Variants in SUPT3H observed in about 807,000 individuals in gnomAD.
SUPT3H encodes the protein transcription initiation protein SPT3 homolog.
A neutral mutation model predicts 44.3 loss-of-function variants in SUPT3H; 44 were observed. The ratio of observed to expected loss-of-function variants is 0.99; its 90% CI spans 0.78 to 1.28. SUPT3H has a LOEUF of 1.28. Ranked by LOEUF, SUPT3H falls within the 50% of genes most tolerant of loss-of-function variation. The pLI is 0.00. For missense variants in SUPT3H, 380 were observed against 387.1 expected (o/e 0.98, Z 0.15); for synonymous variants, 124 against 125.6 (o/e 0.99, Z 0.09).
chr6:45,098,493 C>A, intron 3 of SUPT3H: 2 of 245,482 alleles, frequency 8.1e-6, no homozygotes, highest in South Asian at 6.5e-5. Context: ...ACCCTCCTAC[C>A]AAAGGAGTAA....
chr6:45,279,082 A>C (rs900195111), intron 2 of SUPT3H, among the ~76,000 whole-genome samples: 1 of 152,202 alleles, frequency 6.6e-6, no homozygotes, highest in Non-Finnish European at 1.5e-5. Flanking sequence ...TTTTTATTTA[A>C]TTCTCGATTA....
chr6:44,945,770 C>T (rs572643220), intron 9 of SUPT3H, among the ~76,000 whole-genome samples: 1 of 152,048 alleles, frequency 6.6e-6, no homozygotes, highest in Admixed American at 6.6e-5. Flanking sequence ...GGTGAAGCAG[C>T]GAATGATGAT....
chr6:44,816,241 G>A (rs934458580), intron 11 of SUPT3H, among the ~76,000 whole-genome samples: 1 of 152,072 alleles, frequency 6.6e-6, no homozygotes, highest in Non-Finnish European at 1.5e-5. Context: ...GAGGGAAACT[G>A]AAAAGGAAGA....
chr6:45,287,206 C>G (rs1360872445), intron 2 of SUPT3H, among the ~76,000 whole-genome samples: 1 of 151,564 alleles, frequency 6.6e-6, no homozygotes, highest in African/African-American at 2.4e-5. Context: ...CAAACCTGCA[C>G]ATTGTGCACA....
At chr6:45,361,000 C>T (rs1444159829) in intron 2 of SUPT3H, among the ~76,000 whole-genome samples, 6 of 152,244 alleles carry the variant, frequency 3.9e-5, no homozygotes, top group Admixed American at 3.3e-4. Context: ...TAGCTGGGCA[C>T]AGTGGCACAT....
chr6:45,215,251 T>A (rs1006648420), intron 2 of SUPT3H, among the ~76,000 whole-genome samples: 1 of 151,886 alleles, frequency 6.6e-6, no homozygotes, highest in African/African-American at 2.4e-5. Flanking sequence ...CCCACTAGAT[T>A]TACAGAAACC....
chr6:45,268,970 T>G (rs10948221), intron 2 of SUPT3H, among the ~76,000 whole-genome samples: 34,530 of 152,072 alleles, frequency 0.23, 4,596 homozygotes, highest in Non-Finnish European at 0.31. Context: ...GATGGTGTCA[T>G]GCAGAGCTTT....
chr6:44,979,159 G>A (rs1233042961), intron 6 of SUPT3H, among the ~76,000 whole-genome samples: 2 of 152,152 alleles, frequency 1.3e-5, no homozygotes, highest in Non-Finnish European at 2.9e-5. Context: ...ATGTTCTTTA[G>A]AGGTAGAAAA....
intron 2 of SUPT3H, among the ~76,000 whole-genome samples, chr6:45,281,881 G>C (rs557425038): frequency 2.0e-4 from 31 of 152,316 alleles, no homozygotes; most frequent in African/African-American, 6.7e-4. Context: ...GTACCCCTCT[G>C]AGACAAAACT....
intron 3 of SUPT3H, among the ~76,000 whole-genome samples, chr6:45,047,173 T>C (rs78953789): frequency 0.021 from 3,219 of 152,302 alleles, 54 homozygotes; most frequent in Non-Finnish European, 0.031. Flanking sequence ...CTTTTTTCTT[T>C]TTATTTGCTA....
At chr6:45,142,331 C>T (rs1426282614) in intron 2 of SUPT3H, among the ~76,000 whole-genome samples, 2 of 152,046 alleles carry the variant, frequency 1.3e-5, no homozygotes, top group Non-Finnish European at 2.9e-5. Context: ...TATAAAATAA[C>T]ACAATGAAAA....
In SUPT3H at chr6:44,876,743, C is replaced by A. The variant is rs185650276; in HGVS notation, c.913-46886G>T. On this transcript the variant is annotated intron_variant, in intron 10 of 10. Transcript: ENST00000371459. ...AAACATCAAGGGAAATTAGAAAATACTTTGAGATGAATGAAAATGAAAACA... is the reference window on the plus strand; with the variant it reads ...AAACATCAAGGGAAATTAGAAAATAATTTGAGATGAATGAAAATGAAAACA... 6.8e-3 allele frequency among the ~76,000 whole-genome samples: 980 copies of A among 145,172 alleles called. 13 individuals carry two copies. Among genetic ancestry groups the A allele is most frequent in the African/African-American group, 0.023 (925 of 39,370 alleles).
intron 2 of SUPT3H, among the ~76,000 whole-genome samples, chr6:45,279,924 C>CT (rs1777680794): frequency 6.6e-6 from 1 of 152,234 alleles, no homozygotes; most frequent in Admixed American, 6.5e-5. Flanking sequence ...TCTAATATAC[C>CT]TGCTCTACTT....
At chr6:45,094,451 C>T (rs1797536591) in intron 3 of SUPT3H, among the ~76,000 whole-genome samples, 1 of 152,070 alleles carries the variant, frequency 6.6e-6, no homozygotes, top group Admixed American at 6.6e-5. Context: ...TTCTGTGACA[C>T]TGAAGTAAAG....
At chr6:45,325,465 A>T (rs1310661116) in intron 2 of SUPT3H, among the ~76,000 whole-genome samples, 1 of 151,896 alleles carries the variant, frequency 6.6e-6, no homozygotes, top group Non-Finnish European at 1.5e-5. Flanking sequence ...AGCAATGGAG[A>T]AGCAAGATAC....
chr6:45,206,352 T>C (rs1022415129), intron 2 of SUPT3H, among the ~76,000 whole-genome samples: 2 of 152,074 alleles, frequency 1.3e-5, no homozygotes, highest in Admixed American at 6.6e-5. Context: ...AGGAGACCTT[T>C]AAGCAGGAAC....
chr6:45,219,818 A>T lies in SUPT3H; in HGVS notation c.102-113812T>A, dbSNP rs558215898. On this transcript the variant is annotated intron_variant, in intron 2 of 10. Coordinates refer to ENST00000371459, the MANE Select transcript of SUPT3H (RefSeq NM_003599.4). ...CACTTTGGGAGGCCGAGGTGGGTGG[A>T]TCACGAGGTCAGGAGTTTGAGACAA... 1.1e-4 allele frequency among the ~76,000 whole-genome samples: 17 copies of T among 152,156 alleles called. 1 individual carries two copies. In the South Asian group the frequency reaches 3.5e-3, roughly 32 times the overall value.
chr6:45,257,402 G>A (rs956749130), intron 2 of SUPT3H, among the ~76,000 whole-genome samples: 21 of 152,180 alleles, frequency 1.4e-4, no homozygotes, highest in Non-Finnish European at 2.6e-4. Flanking sequence ...TTCAATGCAA[G>A]AAGGATAGAC....
At chr6:44,822,208 G>T (rs1183669136), downstream of SUPT3H, among the ~76,000 whole-genome samples, 1 of 152,140 alleles carries the variant, frequency 6.6e-6, no homozygotes, top group East Asian at 1.9e-4. Flanking sequence ...CATGTTGATT[G>T]CTTGATTTTC....
Sources: gnomAD v4.1 joint callset for allele counts (sites outside exome capture counted in the v4.1 genomes callset) on GRCh38, gnomAD v4.1.1 for gene constraint, MANE v1.5 for transcripts, NCBI Gene and HGNC (gene_info 2026-07-23, HGNC 2026-07-21) for gene names.